The following PGBD5 variants were observed in gnomAD, a reference collection of about 807,000 sequenced individuals.
PGBD5 encodes the protein piggyBac transposable element-derived protein 5.
In PGBD5, 14 loss-of-function variants were observed where a neutral mutation model predicts 47.9. The ratio of observed to expected loss-of-function variants is 0.29; its 90% CI spans 0.19 to 0.46. The LOEUF is 0.46. Ranked by LOEUF, PGBD5 falls within the 20% of genes least tolerant of loss-of-function variation. The pLI is 1.00. For missense variants in PGBD5, 635 were observed against 716.0 expected (o/e 0.89, Z 1.29); for synonymous variants, 316 against 306.3 (o/e 1.03, Z -0.33).
At chr1:230,377,624 C>A in intron 1 of PGBD5, 1 of 1,520,318 alleles carries the variant, frequency 6.6e-7, no homozygotes, top group Non-Finnish European at 8.8e-7. Context: ...TCAGGCATAT[C>A]TGACCTACCG....
In PGBD5 at chr1:230,319,319, G is replaced by A. The variant is rs558758142; in HGVS notation, c.*4106C>T. 6.6e-6 allele frequency: 1 copy of A among 152,420 alleles called. No homozygotes were observed. The highest frequency in any genetic ancestry group is 1.9e-4 in the East Asian group (1 of 5,188). The allele number at this position is 152,420 out of a possible 1,614,324, so 9.4% of individuals were successfully genotyped here. On this transcript the variant is annotated 3_prime_UTR_variant, in exon 7 of 7. Transcript: ENST00000391860. ...GTCATACCTTTCAAACACAGCACCTGCGAGGATGCAGGAGACAGATCTGGG... is the reference window on the plus strand; with the variant it reads ...GTCATACCTTTCAAACACAGCACCTACGAGGATGCAGGAGACAGATCTGGG...
chr1:230,370,029 TTCC>T (rs1414180807), intron 1 of PGBD5, among the ~76,000 whole-genome samples: 2 of 152,232 alleles, frequency 1.3e-5, no homozygotes, highest in Non-Finnish European at 2.9e-5. Context: ...AGGGCTCAGC[TTCC>T]TCATCTCACA....
At chr1:230,413,274 C>T (rs184677522) in intron 1 of PGBD5, among the ~76,000 whole-genome samples, 7 of 152,188 alleles carry the variant, frequency 4.6e-5, no homozygotes, top group African/African-American at 1.7e-4. Flanking sequence ...CGGAACCAGA[C>T]TCCCAGCTTG....
intron 1 of PGBD5, among the ~76,000 whole-genome samples, chr1:230,414,348 C>T (rs1305605897): frequency 1.3e-5 from 2 of 152,176 alleles, no homozygotes; most frequent in Non-Finnish European, 2.9e-5. Context: ...CCACACACTA[C>T]CTTCAGAAAT....
At chr1:230,409,448 C>T (rs1657369103) in intron 1 of PGBD5, among the ~76,000 whole-genome samples, 1 of 152,124 alleles carries the variant, frequency 6.6e-6, no homozygotes, top group Non-Finnish European at 1.5e-5. Context: ...TAGGTGAAAA[C>T]AACCCAAATG....
At chr1:230,336,985 TC>T in intron 4 of PGBD5, 122 bp downstream of exon 4, 1 of 1,095,708 alleles carries the variant, frequency 9.1e-7, no homozygotes. Flanking sequence ...AGGAAGGGCC[TC>T]ATCACCTGGC....
At chr1:230,328,045 G>A (rs570673364) in intron 5 of PGBD5, among the ~76,000 whole-genome samples, 1 of 152,026 alleles carries the variant, frequency 6.6e-6, no homozygotes, top group African/African-American at 2.4e-5. Flanking sequence ...TTCTTTTCCC[G>A]GAACTCAGGA....
At chr1:230,411,092 C>T (rs923343389) in intron 1 of PGBD5, among the ~76,000 whole-genome samples, 1 of 151,806 alleles carries the variant, frequency 6.6e-6, no homozygotes, top group African/African-American at 2.4e-5. Flanking sequence ...GCCTAGGCAA[C>T]ATAGCAAGAC....
intron 1 of PGBD5, among the ~76,000 whole-genome samples, chr1:230,405,312 C>T (rs977813493): frequency 1.3e-5 from 2 of 152,116 alleles, no homozygotes; most frequent in African/African-American, 2.4e-5. Context: ...CTCTGCCACC[C>T]CTGAGACAGC....
At chr1:230,325,782 T>C (rs1558189791) in intron 5 of PGBD5, among the ~76,000 whole-genome samples, 1 of 151,846 alleles carries the variant, frequency 6.6e-6, no homozygotes, top group Non-Finnish European at 1.5e-5. Context: ...CACTCCTCCC[T>C]CCCTCCCCCT....
At chr1:230,339,385 G>A (rs140802330) in intron 3 of PGBD5, among the ~76,000 whole-genome samples, 24 of 152,250 alleles carry the variant, frequency 1.6e-4, no homozygotes, top group East Asian at 1.4e-3. Flanking sequence ...TAAACTTTCC[G>A]GAGGGAAATT....
intron 6 of PGBD5, among the ~76,000 whole-genome samples, chr1:230,324,403 A>C (rs1024939752): frequency 3.9e-5 from 6 of 152,242 alleles, no homozygotes; most frequent in African/African-American, 1.4e-4. Context: ...ATGTCTTTGT[A>C]ACAACCTCAT....
chr1:230,353,511 G>A (rs1381537004), intron 2 of PGBD5, among the ~76,000 whole-genome samples: 1 of 152,102 alleles, frequency 6.6e-6, no homozygotes, highest in African/African-American at 2.4e-5. Flanking sequence ...CGTACCAAAG[G>A]GTCACAGCTG....
intron 1 of PGBD5, among the ~76,000 whole-genome samples, chr1:230,378,135 C>T (rs1436222458): frequency 2.6e-5 from 4 of 152,216 alleles, no homozygotes; most frequent in African/African-American, 9.6e-5. Context: ...TGGGAATGTT[C>T]ATGTTCCTCC....
intron 6 of PGBD5, 68 bp downstream of exon 6, chr1:230,325,242 C>T: frequency 8.8e-7 from 1 of 1,137,122 alleles, no homozygotes. Flanking sequence ...GATCATCTGC[C>T]ATTACATCTC....
chr1:230,379,170 A>G (rs1201446686), intron 1 of PGBD5, among the ~76,000 whole-genome samples: 1 of 152,144 alleles, frequency 6.6e-6, no homozygotes, highest in Non-Finnish European at 1.5e-5. Flanking sequence ...GACTGCGCCC[A>G]GCATGCCAAA....
intron 1 of PGBD5, among the ~76,000 whole-genome samples, chr1:230,364,592 C>T (rs956200502): frequency 4.6e-5 from 7 of 152,210 alleles, no homozygotes; most frequent in African/African-American, 1.7e-4. Context: ...GAAGGTATTC[C>T]TCATGCTAAC....
chr1:230,384,765 T>G (rs1481416321), intron 1 of PGBD5, among the ~76,000 whole-genome samples: 2 of 152,202 alleles, frequency 1.3e-5, no homozygotes, highest in African/African-American at 4.8e-5. Flanking sequence ...TTGTGTGTGT[T>G]AAATTCTCTG....
chr1:230,404,288 G>A (rs1657216323), intron 1 of PGBD5, among the ~76,000 whole-genome samples: 1 of 152,070 alleles, frequency 6.6e-6, no homozygotes, highest in South Asian at 2.1e-4. Context: ...AGACTAGCCT[G>A]GGCAACACAG....
Sources: allele counts gnomAD v4.1 joint callset (sites outside exome capture counted in the v4.1 genomes callset), GRCh38; gene constraint gnomAD v4.1.1; transcripts MANE v1.5; gene names NCBI Gene and HGNC (gene_info 2026-07-23, HGNC 2026-07-21).